Variants in TMEM116 observed in about 807,000 individuals in gnomAD.
The protein encoded by TMEM116 is transmembrane protein 116.
In TMEM116, 38 loss-of-function variants were observed where a neutral mutation model predicts 44.3. The observed-to-expected ratio is 0.86, with a 90% CI of 0.66 to 1.12. TMEM116 has a LOEUF of 1.12. TMEM116 is among the 50% of genes most tolerant of loss of function. TMEM116 has a pLI of 0.00. For missense variants in TMEM116, 354 were observed against 401.7 expected (o/e 0.88, Z 1.01); for synonymous variants, 132 against 144.8 (o/e 0.91, Z 0.64).
intron 5 of TMEM116, among the ~76,000 whole-genome samples, chr12:111,942,146 C>T (rs1343702146): frequency 6.6e-6 from 1 of 152,032 alleles, no homozygotes; most frequent in African/African-American, 2.4e-5. Context: ...CCATATTAGT[C>T]AGGCTGGTCT....
At chr12:111,957,935 ATTC>A (rs1186248507) in intron 4 of TMEM116, among the ~76,000 whole-genome samples, 3 of 152,216 alleles carry the variant, frequency 2.0e-5, no homozygotes, top group Non-Finnish European at 2.9e-5. Flanking sequence ...ACTAGGAAAA[ATTC>A]TTCTGCCTTG....
chr12:111,938,463 T>C (rs1007872557), intron 5 of TMEM116, among the ~76,000 whole-genome samples: 5 of 152,184 alleles, frequency 3.3e-5, no homozygotes, highest in African/African-American at 4.8e-5. Context: ...AAAGAAAGCC[T>C]GCAGGAAGTA....
rs2074925802 is a variant in TMEM116, at chr12:111,965,609, G to A, written c.211-22240C>T. ...ACAGTTCTTACCAACTGGGTGCAAA[G>A]GTGAAAATTAGGCCATAAAGATACA... On this transcript the variant is annotated intron_variant, in intron 4 of 10. Coordinates refer to ENST00000552374, the MANE Select transcript of TMEM116 (RefSeq NM_001193531.2). 6 of 217,752 alleles carry A rather than the reference G, an allele frequency of 2.8e-5. No individual in the cohort carries two copies. In the South Asian group the frequency reaches 2.8e-4, roughly 10 times the overall value. 13.5% of individuals were successfully genotyped at this position (217,752 alleles called of 1,614,324 possible). A position where few individuals can be genotyped will look rare whatever the true frequency, so the allele number is the denominator to read the frequency against.
At position 111,932,505 on chromosome 12, in the gene TMEM116, C is replaced by A. The variant is rs564652994; in HGVS notation, c.807+81G>T. The A allele has an allele frequency of 1.2e-5, 14 of 1,196,812 alleles. No individual in the cohort carries two copies. The East Asian group carries it at 3.1e-4, about 26-fold the overall frequency. The allele number at this position is 1,196,812 out of a possible 1,614,324, so 74.1% of individuals were successfully genotyped here. A position where few individuals can be genotyped will look rare whatever the true frequency, so the allele number is the denominator to read the frequency against. On this transcript the variant is annotated intron_variant, in intron 10 of 10. Coordinates refer to ENST00000552374, the MANE Select transcript of TMEM116 (RefSeq NM_001193531.2). ...GTAGAAGTACCCGGAGGGAAAAAATCATCCTTACCGAGTAAAGGTAGTATA... is the reference window on the plus strand; with the variant it reads ...GTAGAAGTACCCGGAGGGAAAAAATAATCCTTACCGAGTAAAGGTAGTATA...
intron 3 of TMEM116, among the ~76,000 whole-genome samples, chr12:111,999,633 T>G (rs1438353155): frequency 6.6e-6 from 1 of 151,906 alleles, no homozygotes; most frequent in Non-Finnish European, 1.5e-5. Flanking sequence ...TATACATATA[T>G]ATACACATGT....
At chr12:111,977,702 T>C (rs1055242764) in intron 4 of TMEM116, among the ~76,000 whole-genome samples, 2 of 151,956 alleles carry the variant, frequency 1.3e-5, no homozygotes, top group Non-Finnish European at 2.9e-5. Flanking sequence ...ATAGAAAAAA[T>C]GTATTGAGTG....
intron 3 of TMEM116, among the ~76,000 whole-genome samples, chr12:111,998,831 G>C (rs2077066579): frequency 6.6e-6 from 1 of 152,038 alleles, no homozygotes; most frequent in African/African-American, 2.4e-5. Flanking sequence ...AAGGCAAAGG[G>C]GGAAAGGGGG....
intron 1 of TMEM116, chr12:112,005,746 T>G (rs1462880166): frequency 2.9e-5 from 28 of 965,148 alleles, no homozygotes; most frequent in Admixed American, 6.2e-5. Flanking sequence ...TGAGAGAGAA[T>G]ACAGAGATGT....
In TMEM116 at chr12:111,955,557, A is replaced by C. The variant is rs556352062; in HGVS notation, c.211-12188T>G. Among the ~76,000 whole-genome samples the C allele has an allele frequency of 4.5e-4, 69 of 152,326 alleles. 1 individual carries two copies. The South Asian group carries it at 0.013, about 30-fold the overall frequency. The stretch of plus-strand genomic sequence containing the variant: ...GAGGCAGATGCTGTAGTGCAGACAA[A>C]GCCTTCTGATCCAAATGTTATCCTG... On this transcript the variant is annotated intron_variant, in intron 4 of 10. Transcript: ENST00000552374.
chr12:111,939,127 A>T (rs980796588), intron 5 of TMEM116, among the ~76,000 whole-genome samples: 2 of 152,008 alleles, frequency 1.3e-5, no homozygotes, highest in African/African-American at 4.8e-5. Context: ...TTTAACTCCT[A>T]TTTTTACCTG....
chr12:111,965,858 C>T, intron 4 of TMEM116: 1 of 218,350 alleles, frequency 4.6e-6, no homozygotes, highest in Non-Finnish European at 9.6e-6. Context: ...CTCACTTGAA[C>T]TTGGGAGGCG....
At chr12:111,988,655 T>C (rs1446764873) in intron 4 of TMEM116, among the ~76,000 whole-genome samples, 1 of 146,696 alleles carries the variant, frequency 6.8e-6, no homozygotes, top group African/African-American at 2.5e-5. Context: ...GCCGAGACTG[T>C]GCCACTGCAC....
intron 4 of TMEM116, among the ~76,000 whole-genome samples, chr12:111,954,642 G>T (rs1428756566): frequency 6.6e-6 from 1 of 152,304 alleles, no homozygotes; most frequent in South Asian, 2.1e-4. Context: ...GTTGAACCCA[G>T]GTCCGATCGA....
intron 6 of TMEM116, among the ~76,000 whole-genome samples, chr12:111,937,813 T>C (rs2072282078): frequency 6.6e-6 from 1 of 152,220 alleles, no homozygotes; most frequent in Non-Finnish European, 1.5e-5. Flanking sequence ...CTAAGAGTCT[T>C]ACCCAATGTT....
chr12:111,940,529 A>ATATATATATACACACATATATATGTG lies in TMEM116; in HGVS notation c.316-2320_316-2319insCACATATATATGTGTGTATATATATA, dbSNP rs1230033138. 3.7e-3 allele frequency among the ~76,000 whole-genome samples: 438 copies of ATATATATATACACACATATATATGTG among 119,108 alleles called. 8 individuals are homozygous for ATATATATATACACACATATATATGTG. The highest frequency in any genetic ancestry group is 0.018 in the African/African-American group (429 of 23,694). 78.1% of individuals were successfully genotyped at this position (119,108 alleles called of 152,430 possible). A position where few individuals can be genotyped will look rare whatever the true frequency, so the allele number is the denominator to read the frequency against. ...TATACACACATATATATGTGTATAT[A>ATATATATATACACACATATATATGTG]TATATATATATATATACACACACAC... On this transcript the variant is annotated intron_variant, in intron 5 of 10. Transcript: ENST00000552374.
At chr12:111,936,948 C>T in intron 7 of TMEM116, 118 bp from the exon 8 acceptor site, 1 of 1,158,310 alleles carries the variant, frequency 8.6e-7, no homozygotes. Flanking sequence ...CTCATAAAAC[C>T]TTGTCTCTCC....
In TMEM116 at chr12:111,931,856, C is replaced by T. The variant is rs778816095; in HGVS notation, c.808-29G>A. On this transcript the variant is annotated intron_variant, in intron 10 of 10. Transcript: ENST00000552374. ...GAGGAGATGAAGGGGTGATGCAGCCCATGCTTCAGGTTTTCAGGGATCCAG... is the reference window on the plus strand; with the variant it reads ...GAGGAGATGAAGGGGTGATGCAGCCTATGCTTCAGGTTTTCAGGGATCCAG... 2.7e-6 allele frequency: 4 copies of T among 1,462,030 alleles called. No individual in the cohort carries two copies. In the East Asian group the frequency reaches 7.3e-5, roughly 27 times the overall value. 90.6% of individuals were successfully genotyped at this position (1,462,030 alleles called of 1,614,324 possible). A position where few individuals can be genotyped will look rare whatever the true frequency, so the allele number is the denominator to read the frequency against.
intron 3 of TMEM116, among the ~76,000 whole-genome samples, chr12:111,996,988 A>C (rs1281724172): frequency 6.6e-6 from 1 of 152,258 alleles, no homozygotes; most frequent in African/African-American, 2.4e-5. Context: ...AAGCAAAACC[A>C]AATTGTTTAA....
intron 1 of TMEM116, chr12:112,005,832 A>G (rs772998626): frequency 2.3e-6 from 2 of 882,672 alleles, no homozygotes; most frequent in Non-Finnish European, 2.7e-6. Context: ...TAGACTAGTA[A>G]AACAGAGAAA....
Sources: allele counts gnomAD v4.1 joint callset (sites outside exome capture counted in the v4.1 genomes callset), GRCh38; gene constraint gnomAD v4.1.1; transcripts MANE v1.5; gene names NCBI Gene and HGNC (gene_info 2026-07-23, HGNC 2026-07-21).